Variants in HSPA6 observed in about 807,000 individuals in gnomAD.
The protein encoded by HSPA6 is heat shock 70 kDa protein 6.
For synonymous variants in HSPA6, 312 were observed against 368.2 expected (o/e 0.85, Z 1.75); for missense variants, 718 against 860.9 (o/e 0.83, Z 2.08).
rs573507345 is a variant in HSPA6 at position 161,526,319 on chromosome 1, C to A, written c.1661C>A (p.Ser554Tyr). ...GCCCATGTCTTCCATGTGAAAGGTTCTTTGCAAGAGGAAAGCCTTAGGGAC... is the reference window on the plus strand; with the variant it reads ...GCCCATGTCTTCCATGTGAAAGGTTATTTGCAAGAGGAAAGCCTTAGGGAC... ...LEAHVFHVKG[S>Y]LQEESLRDKI... Residue 554 changes from serine to tyrosine, a missense_variant, in exon 1 of 1, where the codon TCT becomes TAT. Coordinates refer to ENST00000309758, the MANE Select transcript of HSPA6 (RefSeq NM_002155.5). The A allele has an allele frequency of 6.2e-7, 1 of 1,607,052 alleles. No homozygotes were observed. Among genetic ancestry groups the A allele is most frequent in the East Asian group, 2.2e-5 (1 of 44,600 alleles).
rs1177000277 is a variant in HSPA6, at chr1:161,525,794, C to A, written c.1136C>A (p.Ala379Glu). The A allele has an allele frequency of 6.2e-7, 1 of 1,600,662 alleles. No individual in the cohort carries two copies. Among genetic ancestry groups the A allele is most frequent in the African/African-American group, 1.3e-5 (1 of 74,464 alleles). Residue 379 changes from alanine (A) to glutamate (E), a missense_variant, in exon 1 of 1, where the codon GCG becomes GAG. Ala to Glu is a moderately radical substitution (Grantham distance 107). Coordinates refer to ENST00000309758, the MANE Select transcript of HSPA6 (RefSeq NM_002155.5). ...GTGGCCTATGGGGCTGCTGTGCAGG[C>A]GGCCGTGTTGATGGGGGACAAATGT... ...EAVAYGAAVQAAVLMGDKCEK... is the reference protein window; with the variant it reads ...EAVAYGAAVQEAVLMGDKCEK...
At position 161,525,516 on chromosome 1, in the gene HSPA6, A is replaced by G; in HGVS notation, c.858A>G (p.Ile286Met). Residue 286 changes from isoleucine to methionine, a missense_variant, in exon 1 of 1, where the codon ATA (isoleucine) becomes ATG (methionine). Coordinates refer to ENST00000309758, the MANE Select transcript of HSPA6 (RefSeq NM_002155.5). ...CCAGCACCCAGGCCACCCTGGAGAT[A>G]GACTCCCTGTTCGAGGGCGTGGACT... ...LSSSTQATLE[I>M]DSLFEGVDFY... 6.2e-7 allele frequency: 1 copy of G among 1,613,558 alleles called. No homozygotes were observed.
chr1:161,524,762 A>G lies in HSPA6; in HGVS notation c.104A>G (p.Gln35Arg). The G allele has an allele frequency of 6.5e-7, 1 of 1,541,980 alleles. No individual in the cohort carries two copies. The highest frequency in any genetic ancestry group is 8.8e-7 in the Non-Finnish European group (1 of 1,133,262). The part of the protein sequence containing the change: ...QGRVEILAND[Q>R]GNRTTPSYVA... ...CGCGTGGAGATCCTGGCCAACGACC[A>G]GGGCAACCGCACCACGCCCAGCTAC... The change falls in exon 1 of 1, where the codon CAG becomes CGG. Residue 35 changes from glutamine (Q) to arginine (R), a missense_variant. Physicochemically the swap from Gln to Arg is conservative, Grantham distance 43. Transcript: ENST00000309758.
At position 161,525,372 on chromosome 1, in the gene HSPA6, G is replaced by A. The variant is rs1676650521; in HGVS notation, c.714G>A (p.Arg238=). 1 of 1,612,468 alleles carries A rather than the reference G, an allele frequency of 6.2e-7. No homozygotes were observed. Among genetic ancestry groups the A allele is most frequent in the Non-Finnish European group, 8.5e-7 (1 of 1,179,312 alleles). Residue 238 remains arginine (R), a synonymous_variant, in exon 1 of 1, where the codon CGG becomes CGA. Coordinates refer to ENST00000309758, the MANE Select transcript of HSPA6 (RefSeq NM_002155.5). The part of the protein sequence containing the change: ...THLGGEDFDN[R]LVNHFMEEFR... ...TGGGAGGAGAGGACTTCGACAACCGGCTCGTGAACCACTTCATGGAAGAAT... is the reference window on the plus strand; with the variant it reads ...TGGGAGGAGAGGACTTCGACAACCGACTCGTGAACCACTTCATGGAAGAAT...
In HSPA6 at chr1:161,526,023, C is replaced by A. The variant is rs753727934; in HGVS notation, c.1365C>A (p.Asn455Lys). Reference sequence around the variant, plus strand: ...GTGAGAGGGCCATGACCAAGGACAACAACCTGCTGGGGCGTTTTGAACTCA... The same window carrying A: ...GTGAGAGGGCCATGACCAAGGACAAAAACCTGCTGGGGCGTTTTGAACTCA... Reference protein sequence around the residue: ...YEGERAMTKDNNLLGRFELSG... With the variant: ...YEGERAMTKDKNLLGRFELSG... The change falls in exon 1 of 1, where the codon AAC becomes AAA. Residue 455 changes from asparagine to lysine, a missense_variant. Asn to Lys is a moderately conservative substitution (Grantham distance 94). Transcript: ENST00000309758. 1.2e-5 allele frequency: 19 copies of A among 1,613,664 alleles called. 2 individuals are homozygous for A. The highest frequency in any genetic ancestry group is 4.5e-5 in the East Asian group (2 of 44,894).
In HSPA6 at chr1:161,526,250, A is replaced by G. The variant is rs536900810; in HGVS notation, c.1592A>G (p.Asp531Gly). The G allele has an allele frequency of 1.9e-6, 3 of 1,613,844 alleles. No homozygotes were observed. The highest frequency in any genetic ancestry group is 1.7e-6 in the Non-Finnish European group (2 of 1,179,884). ...GAAGCCGAGCAGTACAAGGCTGAGG[A>G]TGAGGCCCAGAGGGACAGAGTGGCT... ...VHEAEQYKAE[D>G]EAQRDRVAAK... is the part of the protein sequence containing the mutation. The change falls in exon 1 of 1, where the codon GAT becomes GGT. Residue 531 changes from aspartate (D) to glycine (G), a missense_variant. Physicochemically the swap from Asp to Gly is moderately conservative, Grantham distance 94. Coordinates refer to ENST00000309758, the MANE Select transcript of HSPA6 (RefSeq NM_002155.5).
rs1293659614 is a variant in HSPA6 at position 161,525,899 on chromosome 1, C to T, written c.1241C>T (p.Thr414Met). ...GAGACAGCAGGTGGGGTGATGACCA[C>T]GCTGATCCAGAGGAACGCCACTATC... Reference protein sequence around the residue: ...GLETAGGVMTTLIQRNATIPT... With the variant: ...GLETAGGVMTMLIQRNATIPT... The change falls in exon 1 of 1, where the codon ACG becomes ATG. Residue 414 changes from threonine to methionine, a missense_variant. Coordinates refer to ENST00000309758, the MANE Select transcript of HSPA6 (RefSeq NM_002155.5). The T allele has an allele frequency of 3.1e-6, 5 of 1,597,058 alleles. No homozygotes were observed. Among genetic ancestry groups the T allele is most frequent in the South Asian group, 2.3e-5 (2 of 88,656 alleles).
chr1:161,525,034 C>T lies in HSPA6; in HGVS notation c.376C>T (p.Leu126=), dbSNP rs373054879. The T allele has an allele frequency of 1.4e-5, 22 of 1,612,746 alleles. 1 individual carries two copies. The highest frequency in any genetic ancestry group is 1.9e-5 in the Non-Finnish European group (22 of 1,179,764). ...CCCCGAGGAGATCTCGTCCATGGTG[C>T]TGAGCAAGATGAAGGAGACGGCCGA... The part of the protein sequence containing the change: ...FYPEEISSMV[L]SKMKETAEAY... Residue 126 remains leucine, a synonymous_variant, in exon 1 of 1, where the codon CTG becomes TTG. Coordinates refer to ENST00000309758, the MANE Select transcript of HSPA6 (RefSeq NM_002155.5).
At position 161,526,570 on chromosome 1, in the gene HSPA6, A is replaced by G. The variant is rs1255733359; in HGVS notation, c.1912A>G (p.Ile638Val). The G allele has an allele frequency of 1.9e-6, 3 of 1,543,484 alleles. No homozygotes were observed. The highest frequency in any genetic ancestry group is 2.6e-6 in the Non-Finnish European group (3 of 1,145,960). ...ARQGDPSTGP[I>V]IEEVD is the part of the protein sequence containing the mutation. ...CCAGGGGGACCCCAGCACCGGCCCC[A>G]TCATTGAGGAGGTTGATTGAATGGC... The change falls in exon 1 of 1, where the codon ATC becomes GTC. Residue 638 changes from isoleucine (I) to valine (V), a missense_variant. Physicochemically the swap from Ile to Val is conservative, Grantham distance 29 (BLOSUM62 3). Transcript: ENST00000309758.
rs1219828143 is a variant in HSPA6 at position 161,525,581 on chromosome 1, G to A, written c.923G>A (p.Cys308Tyr). Residue 308 changes from cysteine (C) to tyrosine (Y), a missense_variant, in exon 1 of 1, where the codon TGC (cysteine) becomes TAC (tyrosine). Transcript: ENST00000309758. ...ACTCGTGCCCGCTTTGAGGAACTGT[G>A]CTCAGACCTCTTCCGCAGCACCCTG... ...SITRARFEEL[C>Y]SDLFRSTLEP... is the part of the protein sequence containing the mutation. 1 of 1,613,442 alleles carries A rather than the reference G, an allele frequency of 6.2e-7. No individual in the cohort carries two copies. Among genetic ancestry groups the A allele is most frequent in the East Asian group, 2.2e-5 (1 of 44,874 alleles).
Position 161,526,395 on chromosome 1 carries a change from C to A in HSPA6, c.1737C>A (p.Val579=), listed in dbSNP as rs376893096. The A allele has an allele frequency of 1.3e-6, 2 of 1,594,974 alleles. No individual in the cohort carries two copies. Among genetic ancestry groups the A allele is most frequent in the African/African-American group, 1.3e-5 (1 of 74,490 alleles). ...RRKMQDKCRE[V]LAWLEHNQLA... is the part of the protein sequence containing the mutation. ...AAATGCAAGACAAGTGTCGGGAAGTCCTTGCCTGGCTGGAGCACAACCAGC... is the reference window on the plus strand; with the variant it reads ...AAATGCAAGACAAGTGTCGGGAAGTACTTGCCTGGCTGGAGCACAACCAGC... Residue 579 remains valine (V), a synonymous_variant, in exon 1 of 1, where the codon GTC becomes GTA. Coordinates refer to ENST00000309758, the MANE Select transcript of HSPA6 (RefSeq NM_002155.5).
At position 161,526,042 on chromosome 1, in the gene HSPA6, G is replaced by C. The variant is rs779930805; in HGVS notation, c.1384G>C (p.Glu462Gln). ...TKDNNLLGRF[E>Q]LSGIPPAPRG... is the part of the protein sequence containing the mutation. ...GGACAACAACCTGCTGGGGCGTTTTGAACTCAGTGGCATCCCTCCTGCCCC... is the reference window on the plus strand; with the variant it reads ...GGACAACAACCTGCTGGGGCGTTTTCAACTCAGTGGCATCCCTCCTGCCCC... The change falls in exon 1 of 1, where the codon GAA becomes CAA. Residue 462 changes from glutamate to glutamine, a missense_variant. Glu to Gln is a conservative substitution (Grantham distance 29). Transcript: ENST00000309758. 10 of 1,613,816 alleles carry C rather than the reference G, an allele frequency of 6.2e-6. No homozygotes were observed. In the East Asian group the frequency reaches 8.9e-5, roughly 14 times the overall value.
rs1288565562 is a variant in HSPA6 at position 161,526,218 on chromosome 1, G to A, written c.1560G>A (p.Met520Ile). 1 of 1,613,966 alleles carries A rather than the reference G, an allele frequency of 6.2e-7. No homozygotes were observed. The highest frequency in any genetic ancestry group is 2.2e-5 in the East Asian group (1 of 44,878). ...GRLSKEEVERMVHEAEQYKAE... is the reference protein window; with the variant it reads ...GRLSKEEVERIVHEAEQYKAE... ...TGAGCAAGGAGGAGGTGGAGAGGAT[G>A]GTTCATGAAGCCGAGCAGTACAAGG... The change falls in exon 1 of 1, where the codon ATG becomes ATA. Residue 520 changes from methionine to isoleucine, a missense_variant. Met to Ile is a conservative substitution (Grantham distance 10). Coordinates refer to ENST00000309758, the MANE Select transcript of HSPA6 (RefSeq NM_002155.5).
At position 161,525,207 on chromosome 1, in the gene HSPA6, C is replaced by T. The variant is rs757134900; in HGVS notation, c.549C>T (p.Ile183=). The T allele has an allele frequency of 4.3e-6, 7 of 1,614,018 alleles. No homozygotes were observed. The highest frequency in any genetic ancestry group is 2.2e-5 in the South Asian group (2 of 91,042). Residue 183 remains isoleucine, a synonymous_variant, in exon 1 of 1, where the codon ATC becomes ATT. Coordinates refer to ENST00000309758, the MANE Select transcript of HSPA6 (RefSeq NM_002155.5). The part of the protein sequence containing the change: ...RIINEPTAAA[I]AYGLDRRGAG... Reference sequence around the variant, plus strand: ...TCAATGAGCCCACGGCAGCTGCCATCGCCTATGGGCTGGACCGGCGGGGCG... The same window carrying T: ...TCAATGAGCCCACGGCAGCTGCCATTGCCTATGGGCTGGACCGGCGGGGCG...
At position 161,525,147 on chromosome 1, in the gene HSPA6, G is replaced by A. The variant is rs748027732; in HGVS notation, c.489G>A (p.Ala163=). ...CGCAGCGCCAGGCCACCAAGGACGC[G>A]GGGGCCATCGCGGGGCTCAACGTGT... ...NDSQRQATKD[A]GAIAGLNVLR... The change falls in exon 1 of 1, where the codon GCG becomes GCA. Residue 163 remains alanine, a synonymous_variant. Coordinates refer to ENST00000309758, the MANE Select transcript of HSPA6 (RefSeq NM_002155.5). 8.1e-6 allele frequency: 13 copies of A among 1,613,814 alleles called. 2 individuals carry two copies. The South Asian group carries it at 1.3e-4, about 16-fold the overall frequency.
rs768447503 is a variant in HSPA6, at chr1:161,525,749, G to A, written c.1091G>A (p.Ser364Asn). 20 of 1,608,382 alleles carry A rather than the reference G, an allele frequency of 1.2e-5. No homozygotes were observed. The highest frequency in any genetic ancestry group is 1.6e-4 in the Middle Eastern group (1 of 6,078). Residue 364 changes from serine to asparagine, a missense_variant, in exon 1 of 1, where the codon AGC becomes AAC. Physicochemically the swap from Ser to Asn is conservative, Grantham distance 46. Transcript: ENST00000309758. ...TTCAACGGCAAGGAGCTGAACAAGA[G>A]CATCAACCCTGATGAGGCTGTGGCC... ...DFFNGKELNK[S>N]INPDEAVAYG...
Position 161,525,650 on chromosome 1 carries a change from C to T in HSPA6, c.992C>T (p.Ala331Val), listed in dbSNP as rs751196854. The T allele has an allele frequency of 1.9e-6, 3 of 1,613,910 alleles. No homozygotes were observed. Among genetic ancestry groups the T allele is most frequent in the Non-Finnish European group, 8.5e-7 (1 of 1,179,902 alleles). The change falls in exon 1 of 1, where the codon GCC (alanine) becomes GTC (valine). Residue 331 changes from alanine to valine, a missense_variant. By Grantham distance (64) the Ala-to-Val change is moderately conservative (BLOSUM62 0). Transcript: ENST00000309758. ...KALRDAKLDK[A>V]QIHDVVLVGG... ...CTGCGGGATGCCAAGCTGGACAAGG[C>T]CCAGATTCATGACGTCGTCCTGGTG... is the stretch of plus-strand genomic sequence containing the variant.
rs759271260 is a variant in HSPA6 at position 161,525,528 on chromosome 1, C to T, written c.870C>T (p.Phe290=). ...CCACCCTGGAGATAGACTCCCTGTT[C>T]GAGGGCGTGGACTTCTACACGTCCA... ...TQATLEIDSL[F]EGVDFYTSIT... Residue 290 remains phenylalanine (F), a synonymous_variant, in exon 1 of 1, where the codon TTC becomes TTT. Transcript: ENST00000309758. The T allele has an allele frequency of 4.3e-6, 7 of 1,613,534 alleles. No homozygotes were observed. The South Asian group carries it at 6.6e-5, about 15-fold the overall frequency.
At position 161,525,644 on chromosome 1, in the gene HSPA6, A is replaced by G. The variant is rs781671425; in HGVS notation, c.986A>G (p.Asp329Gly). 6.2e-7 allele frequency: 1 copy of G among 1,613,924 alleles called. No homozygotes were observed. Among genetic ancestry groups the G allele is most frequent in the Admixed American group, 1.7e-5 (1 of 60,000 alleles). Residue 329 changes from aspartate to glycine, a missense_variant, in exon 1 of 1, where the codon GAC (aspartate) becomes GGC (glycine). Asp to Gly is a moderately conservative substitution (Grantham distance 94). Transcript: ENST00000309758. ...VEKALRDAKL[D>G]KAQIHDVVLV... is the part of the protein sequence containing the mutation. ...AAGGCCCTGCGGGATGCCAAGCTGG[A>G]CAAGGCCCAGATTCATGACGTCGTC...
Sources: gnomAD v4.1 joint callset for allele counts on GRCh38, gnomAD v4.1.1 for gene constraint, MANE v1.5 for transcripts, NCBI Gene and HGNC (gene_info 2026-07-23, HGNC 2026-07-21) for gene names.